EYS: variants seen among roughly 807,000 people sequenced by gnomAD.
EYS encodes EGF-like photoreceptor maintenance factor.
Under a neutral mutation model 282.1 loss-of-function variants are expected in EYS, and 250 were observed. The observed-to-expected ratio is 0.89, with a 90% CI of 0.80 to 0.98. The LOEUF is 0.98. EYS is among the 50% of genes least tolerant of loss of function. The pLI is 0.00. For missense variants in EYS, 4,016 were observed against 3,709.0 expected, an observed-to-expected ratio of 1.08 and a Z score of -2.15; for synonymous variants, 1,355 against 1,282.9, an observed-to-expected ratio of 1.06 and a Z score of -1.20.
At chr6:64,687,038 A>G (rs1032337633) in intron 22 of EYS, among the ~76,000 whole-genome samples, 3 of 150,730 alleles carry the variant, frequency 2.0e-5, no homozygotes, top group African/African-American at 7.3e-5. Context: ...TAAATGAGAA[A>G]CATTTGAATA....
At chr6:63,843,230 C>G (rs531903479) in intron 36 of EYS, among the ~76,000 whole-genome samples, 1 of 152,290 alleles carries the variant, frequency 6.6e-6, no homozygotes, top group South Asian at 2.1e-4. Flanking sequence ...TTGATTCTTC[C>G]TGTCCATGAG....
chr6:65,342,686 A>G (rs545320787), intron 10 of EYS, among the ~76,000 whole-genome samples: 1 of 150,750 alleles, frequency 6.6e-6, no homozygotes, highest in South Asian at 2.1e-4. Context: ...GTGTATTTAT[A>G]TTTATTTTGC....
intron 19 of EYS, among the ~76,000 whole-genome samples, chr6:64,882,536 CA>C (rs199786349): frequency 1.2e-3 from 180 of 148,514 alleles, no homozygotes; most frequent in Middle Eastern, 0.01. Context: ...CTGTCGTTGA[CA>C]AAAAAAAATG....
chr6:64,041,427 G>T (rs553990398), intron 33 of EYS, among the ~76,000 whole-genome samples: 7 of 152,258 alleles, frequency 4.6e-5, no homozygotes, highest in African/African-American at 1.7e-4. Context: ...CTTCAGTATT[G>T]CTCGTTGAAA....
chr6:65,089,932 G>C lies in EYS; in HGVS notation c.2024-32205C>G, dbSNP rs926268303. 4.9e-5 allele frequency among the ~76,000 whole-genome samples: 7 copies of C among 142,376 alleles called. 1 individual carries two copies. Among genetic ancestry groups the C allele is most frequent in the Non-Finnish European group, 3.0e-5 (2 of 66,298 alleles). The allele number at this position is 142,376 out of a possible 152,430, so 93.4% of individuals were successfully genotyped here. On this transcript the variant is annotated intron_variant, in intron 12 of 42. Coordinates refer to ENST00000503581, the MANE Select transcript of EYS (RefSeq NM_001142800.2). ...AGATCACACCACTGCATTCTAGCCT[G>C]GGCAAGAAAGCAAAAAAAAAAAAAA...
chr6:65,592,645 C>T (rs1582494276), intron 2 of EYS, among the ~76,000 whole-genome samples: 1 of 151,870 alleles, frequency 6.6e-6, no homozygotes, highest in Non-Finnish European at 1.5e-5. Context: ...AACTAGGTAT[C>T]CAGTTCTAAA....
At chr6:65,373,829 T>A (rs1269220340) in intron 8 of EYS, among the ~76,000 whole-genome samples, 1 of 152,106 alleles carries the variant, frequency 6.6e-6, no homozygotes, top group African/African-American at 2.4e-5. Flanking sequence ...TAAATTTACT[T>A]TAGATATTTC....
intron 22 of EYS, among the ~76,000 whole-genome samples, chr6:64,746,803 C>T (rs375010144): frequency 2.0e-5 from 3 of 152,352 alleles, no homozygotes; most frequent in East Asian, 3.9e-4. Context: ...TACTCAAAAT[C>T]CTCCTGTAGG....
intron 13 of EYS, among the ~76,000 whole-genome samples, chr6:65,019,252 A>AT (rs1391351735): frequency 1.3e-5 from 2 of 152,118 alleles, no homozygotes; most frequent in East Asian, 1.9e-4. Context: ...TTCTTTTTAC[A>AT]TTTTTTCTCA....
At chr6:65,043,721 C>A (rs893606500) in intron 13 of EYS, among the ~76,000 whole-genome samples, 6 of 151,186 alleles carry the variant, frequency 4.0e-5, no homozygotes, top group Admixed American at 2.7e-4. Context: ...CACAAAAGTT[C>A]TTTTTCAATA....
intron 14 of EYS, among the ~76,000 whole-genome samples, chr6:64,979,982 C>A (rs1770598410): frequency 6.6e-6 from 1 of 151,476 alleles, no homozygotes; most frequent in South Asian, 2.1e-4. Context: ...TCCTTGGAGA[C>A]ACTACCAAAC....
chr6:64,822,775 G>T lies in EYS; in HGVS notation c.3040C>A (p.Leu1014Ile), dbSNP rs1190302234. 4 of 1,550,040 alleles carry T rather than the reference G, an allele frequency of 2.6e-6. No homozygotes were observed. Among genetic ancestry groups the T allele is most frequent in the Admixed American group, 3.9e-5 (2 of 50,878 alleles). The change falls in exon 20 of 43, where the codon CTC becomes ATC. Residue 1014 changes from leucine (L) to isoleucine (I), a missense_variant. Physicochemically the swap from Leu to Ile is conservative, Grantham distance 5. Coordinates refer to ENST00000503581, the MANE Select transcript of EYS (RefSeq NM_001142800.2). ...NLDECLSEPC[L>I]HDGVCIDGIN... ...CCATCGATACAAACTCCATCATGGA[G>T]ACAGGGCTCTGATAGGCATTCATCT...
intron 36 of EYS, among the ~76,000 whole-genome samples, chr6:63,837,352 A>G (rs181205292): frequency 3.9e-5 from 6 of 152,146 alleles, no homozygotes; most frequent in Admixed American, 2.6e-4. Context: ...CTGCATGGAT[A>G]AAATCTTAGT....
chr6:65,136,316 G>T (rs1055430535), intron 12 of EYS, among the ~76,000 whole-genome samples: 1 of 151,870 alleles, frequency 6.6e-6, no homozygotes, highest in African/African-American at 2.4e-5. Flanking sequence ...AAACTTTCTT[G>T]AAAATAACAA....
At chr6:64,761,234 T>A (rs1739197833) in intron 22 of EYS, among the ~76,000 whole-genome samples, 1 of 152,146 alleles carries the variant, frequency 6.6e-6, no homozygotes, top group South Asian at 2.1e-4. Context: ...ACCTTCTCAA[T>A]CAAGTTTAGA....
At chr6:64,033,952 G>A (rs952625327) in intron 33 of EYS, among the ~76,000 whole-genome samples, 3 of 152,120 alleles carry the variant, frequency 2.0e-5, no homozygotes, top group Admixed American at 6.5e-5. Flanking sequence ...TAGCTGAGTA[G>A]TATCTTGAAC....
At chr6:64,483,106 A>G (rs1262286677) in intron 26 of EYS, among the ~76,000 whole-genome samples, 1 of 151,654 alleles carries the variant, frequency 6.6e-6, no homozygotes, top group African/African-American at 2.4e-5. Flanking sequence ...AGGGCCAGAT[A>G]GTAAATATTT....
chr6:65,524,884 G>A (rs1457055492), intron 2 of EYS, among the ~76,000 whole-genome samples: 2 of 152,134 alleles, frequency 1.3e-5, no homozygotes, highest in African/African-American at 4.8e-5. Flanking sequence ...TCAGAAAGCT[G>A]GCTGATCACC....
At chr6:64,404,380 A>AGTGTGT (rs59373630) in intron 28 of EYS, among the ~76,000 whole-genome samples, 45 of 93,702 alleles carry the variant, frequency 4.8e-4, no homozygotes, top group African/African-American at 1.2e-3. Context: ...AGAGTGTGAG[A>AGTGTGT]GTGTGTGTGT....
Sources: gnomAD v4.1 joint callset for allele counts (sites outside exome capture counted in the v4.1 genomes callset) on GRCh38, gnomAD v4.1.1 for gene constraint, MANE v1.5 for transcripts, NCBI Gene and HGNC (gene_info 2026-07-23, HGNC 2026-07-21) for gene names.